RBFOX1: variants seen among roughly 807,000 people sequenced by gnomAD.
The protein encoded by RBFOX1 is RNA binding fox-1 homolog 1.
A neutral mutation model predicts 57.7 loss-of-function variants in RBFOX1; 8 were observed. The observed-to-expected ratio is 0.14, with a 90% CI of 0.08 to 0.25. The LOEUF is 0.25. RBFOX1 is among the 10% of genes least tolerant of loss of function. RBFOX1 has a pLI of 1.00. For missense variants in RBFOX1, 611 were observed against 548.5 expected (o/e 1.11, Z -1.14); for synonymous variants, 326 against 222.4 (o/e 1.47, Z -4.15).
chr16:6,632,443 C>T (rs1259437300), intron 2 of RBFOX1, among the ~76,000 whole-genome samples: 3 of 152,098 alleles, frequency 2.0e-5, no homozygotes, highest in African/African-American at 4.8e-5. Flanking sequence ...AATGATATTC[C>T]TGTGGTTATG....
At chr16:7,415,442 A>G (rs2098469152) in intron 4 of RBFOX1, among the ~76,000 whole-genome samples, 1 of 152,138 alleles carries the variant, frequency 6.6e-6, no homozygotes, top group South Asian at 2.1e-4. Flanking sequence ...GAGATTACTG[A>G]ATTTCCCAGC....
chr16:6,244,616 T>C (rs2097559037), intron 1 of RBFOX1, among the ~76,000 whole-genome samples: 1 of 152,124 alleles, frequency 6.6e-6, no homozygotes, highest in African/African-American at 2.4e-5. Flanking sequence ...TTCAAGCAAT[T>C]CTCCTGCCTC....
chr16:6,024,030 G>A (rs1473400087), intron 1 of RBFOX1, among the ~76,000 whole-genome samples: 2 of 152,162 alleles, frequency 1.3e-5, no homozygotes, highest in Non-Finnish European at 2.9e-5. Context: ...AAAATGACGC[G>A]TGGAGTTATA....
intron 11 of RBFOX1, among the ~76,000 whole-genome samples, chr16:7,639,392 C>G (rs1422554298): frequency 6.6e-6 from 1 of 152,146 alleles, no homozygotes; most frequent in East Asian, 1.9e-4. Context: ...CCTGTGTCCT[C>G]TTTGTCATTT....
intron 2 of RBFOX1, among the ~76,000 whole-genome samples, chr16:6,569,878 A>G (rs923262629): frequency 3.9e-5 from 6 of 152,156 alleles, no homozygotes; most frequent in African/African-American, 1.4e-4. Context: ...ATCTCCTTCA[A>G]TCAATTTTAA....
At chr16:7,429,314 G>T (rs192050981) in intron 4 of RBFOX1, among the ~76,000 whole-genome samples, 7 of 152,252 alleles carry the variant, frequency 4.6e-5, no homozygotes, top group Admixed American at 3.9e-4. Flanking sequence ...CAAGGACTTG[G>T]CACAAGCCAT....
intron 3 of RBFOX1, among the ~76,000 whole-genome samples, chr16:5,612,848 G>T (rs2047873819): frequency 6.6e-6 from 1 of 152,204 alleles, no homozygotes; most frequent in African/African-American, 2.4e-5. Flanking sequence ...CAGAAACCTA[G>T]CTAGGCACTC....
At chr16:7,488,851 A>C (rs766235981) in intron 4 of RBFOX1, among the ~76,000 whole-genome samples, 8 of 152,126 alleles carry the variant, frequency 5.3e-5, no homozygotes, top group Non-Finnish European at 8.8e-5. Context: ...TCCATTATCT[A>C]TCTATACATT....
chr16:7,567,040 G>C (rs2091845403), intron 5 of RBFOX1, among the ~76,000 whole-genome samples: 2 of 151,292 alleles, frequency 1.3e-5, no homozygotes, highest in African/African-American at 4.9e-5. Context: ...ACTGCTAATG[G>C]AACTGACTGC....
chr16:7,704,691 T>TAAG (rs1380701987), intron 14 of RBFOX1, among the ~76,000 whole-genome samples: 8 of 151,892 alleles, frequency 5.3e-5, no homozygotes. Context: ...GAGTGGGAAA[T>TAAG]AAGATTATTA....
intron 2 of RBFOX1, among the ~76,000 whole-genome samples, chr16:6,457,505 T>G (rs1265455609): frequency 6.7e-6 from 1 of 148,922 alleles, no homozygotes; most frequent in African/African-American, 2.5e-5. Flanking sequence ...CACTGTGAAT[T>G]ACTGACTACC....
intron 3 of RBFOX1, among the ~76,000 whole-genome samples, chr16:6,953,593 G>C (rs1268640667): frequency 6.6e-6 from 1 of 152,100 alleles, no homozygotes; most frequent in Non-Finnish European, 1.5e-5. Context: ...TGCCATGTTG[G>C]CCAGCGTGGT....
intron 4 of RBFOX1, among the ~76,000 whole-genome samples, chr16:7,067,473 G>A (rs1003809247): frequency 1.7e-4 from 25 of 150,122 alleles, no homozygotes; most frequent in Non-Finnish European, 3.4e-4. Flanking sequence ...CATTCTGATT[G>A]CAGTCAGAGT....
At chr16:7,708,083 G>T (rs143298982) in intron 14 of RBFOX1, among the ~76,000 whole-genome samples, 1 of 152,138 alleles carries the variant, frequency 6.6e-6, no homozygotes, top group Non-Finnish European at 1.5e-5. Context: ...ACTCACGCCT[G>T]TAATCCTAAC....
At chr16:6,343,947 C>T (rs2152831774) in intron 2 of RBFOX1, among the ~76,000 whole-genome samples, 1 of 152,292 alleles carries the variant, frequency 6.6e-6, no homozygotes, top group Non-Finnish European at 1.5e-5. Flanking sequence ...CTGGCTGTTA[C>T]AAATGTCAGC....
chr16:6,606,362 C>T (rs763234718), intron 2 of RBFOX1, among the ~76,000 whole-genome samples: 5 of 152,010 alleles, frequency 3.3e-5, no homozygotes, highest in African/African-American at 4.8e-5. Context: ...AATGACTGTA[C>T]GTGTTTTAAA....
At chr16:6,158,367 G>C (rs142561330) in intron 1 of RBFOX1, among the ~76,000 whole-genome samples, 1 of 152,212 alleles carries the variant, frequency 6.6e-6, no homozygotes, top group East Asian at 1.9e-4. Context: ...GTGGGGTTCA[G>C]CTTGTTAGTC....
intron 1 of RBFOX1, among the ~76,000 whole-genome samples, chr16:6,141,366 C>A (rs910186196): frequency 1.3e-5 from 2 of 152,154 alleles, no homozygotes; most frequent in East Asian, 3.9e-4. Flanking sequence ...CTGGGCATAA[C>A]CCTGACTGCT....
chr16:6,762,512 C>T (rs559683548), intron 3 of RBFOX1, among the ~76,000 whole-genome samples: 1 of 152,104 alleles, frequency 6.6e-6, no homozygotes, highest in Non-Finnish European at 1.5e-5. Context: ...ACCAGTGTTA[C>T]CCCTTTACAA....
Sources: allele counts gnomAD v4.1 joint callset (sites outside exome capture counted in the v4.1 genomes callset), GRCh38; gene constraint gnomAD v4.1.1; transcripts MANE v1.5; gene names NCBI Gene and HGNC (gene_info 2026-07-23, HGNC 2026-07-21).